SHQ1: variants seen among roughly 807,000 people sequenced by gnomAD.
SHQ1 encodes SHQ1, H/ACA ribonucleoprotein assembly factor, also known as protein SHQ1 homolog.
SHQ1 carries 49 observed loss-of-function variants against 53.8 expected under a neutral mutation model. The ratio of observed to expected loss-of-function variants is 0.91; its 90% CI spans 0.72 to 1.16. SHQ1 has a LOEUF of 1.16. Ranked by LOEUF, SHQ1 falls within the 50% of genes most tolerant of loss-of-function variation. The pLI is 0.00. For missense variants in SHQ1, 738 were observed against 683.1 expected (o/e 1.08, Z -0.90); for synonymous variants, 243 against 251.0 (o/e 0.97, Z 0.30).
At chr3:72,810,691 CAAATGA>C (rs1707089327) in intron 9 of SHQ1, among the ~76,000 whole-genome samples, 1 of 152,162 alleles carries the variant, frequency 6.6e-6, no homozygotes, top group South Asian at 2.1e-4. Flanking sequence ...GGTGTTCAAA[CAAATGA>C]GCCTCTTCAG....
At chr3:72,836,159 G>A (rs1707984489) in intron 4 of SHQ1, among the ~76,000 whole-genome samples, 1 of 152,170 alleles carries the variant, frequency 6.6e-6, no homozygotes, top group Non-Finnish European at 1.5e-5. Flanking sequence ...CACAGACCAG[G>A]TCTCTACTCT....
intron 9 of SHQ1, among the ~76,000 whole-genome samples, chr3:72,807,636 T>C (rs1706991258): frequency 6.6e-6 from 1 of 152,200 alleles, no homozygotes; most frequent in Non-Finnish European, 1.5e-5. Context: ...AATGTAAATA[T>C]TAAAAAGAAA....
chr3:72,841,189 C>T lies in SHQ1; in HGVS notation c.342G>A (p.Glu114=), dbSNP rs143895214. 57 of 1,612,054 alleles carry T rather than the reference C, an allele frequency of 3.5e-5. No individual in the cohort carries two copies. In the African/African-American group the frequency reaches 6.5e-4, roughly 18 times the overall value. ...KPLVEEIGAS[E]IPEEVVDDEE... is the part of the protein sequence containing the mutation. ...CATCGTCAACTACTTCCTCAGGAAT[C>T]TCAGAAGCACCTGAATGTGTTAAAT... is the stretch of plus-strand genomic sequence containing the variant. The change falls in exon 4 of 11, where the codon GAG becomes GAA. Residue 114 remains glutamate, a synonymous_variant. Transcript: ENST00000325599.
chr3:72,844,259 G>T, intron 2 of SHQ1, 100 bp downstream of exon 2: 1 of 943,492 alleles, frequency 1.1e-6, no homozygotes, highest in Non-Finnish European at 1.7e-6. Context: ...GATTGTATTT[G>T]AAAGACATCA....
chr3:72,812,092 G>C (rs1215879337), intron 9 of SHQ1, among the ~76,000 whole-genome samples: 1 of 152,194 alleles, frequency 6.6e-6, no homozygotes, highest in East Asian at 1.9e-4. Flanking sequence ...TAAAGCTAAC[G>C]AGTGTTTGTC....
intron 9 of SHQ1, among the ~76,000 whole-genome samples, chr3:72,802,972 A>C (rs966435139): frequency 1.9e-4 from 29 of 152,296 alleles, no homozygotes; most frequent in African/African-American, 6.0e-4. Flanking sequence ...TGCCTGCCCC[A>C]ATCTTAGAAC....
Position 72,792,930 on chromosome 3 carries a change from C to T in SHQ1, c.1167G>A (p.Trp389Ter). ...TGAAAACTTACTTGACTTTCTGAAT[C>T]CACACACAGTAGTCTGAGATGTAGA... ...NDLYISDYCV[W>*]IQKVKSKKLA... The change falls in exon 10 of 11, where the codon TGG becomes TGA. Residue 389 changes from tryptophan to a stop codon, truncating the protein, a stop_gained. Transcript: ENST00000325599. LOFTEE classifies it low-confidence loss of function (END_TRUNC). The T allele has an allele frequency of 6.2e-7, 1 of 1,606,206 alleles. No homozygotes were observed. The highest frequency in any genetic ancestry group is 1.1e-5 in the South Asian group (1 of 88,698).
intron 2 of SHQ1, among the ~76,000 whole-genome samples, chr3:72,843,307 A>C (rs1158419166): frequency 6.6e-6 from 1 of 152,196 alleles, no homozygotes; most frequent in African/African-American, 2.4e-5. Context: ...AGTTTTAAAA[A>C]TACACAGAAT....
the SHQ1 span, among the ~76,000 whole-genome samples, chr3:72,742,472 A>G: frequency 6.6e-6 from 1 of 152,134 alleles, no homozygotes; most frequent in South Asian, 2.1e-4. Context: ...TAAGAGAAAG[A>G]AGGATATAAA....
At chr3:72,731,862 C>A in the SHQ1 span, among the ~76,000 whole-genome samples, 1 of 151,356 alleles carries the variant, frequency 6.6e-6, no homozygotes, top group African/African-American at 2.4e-5. Context: ...CATCCACTAC[C>A]AATGTGCCAG....
At chr3:72,727,956 G>A in the SHQ1 span, among the ~76,000 whole-genome samples, 3 of 152,194 alleles carry the variant, frequency 2.0e-5, no homozygotes, top group African/African-American at 4.8e-5. Flanking sequence ...CTCAGCCTGC[G>A]TGAAGAGCAA....
At chr3:72,783,256 C>T (rs1706125991) in intron 10 of SHQ1, among the ~76,000 whole-genome samples, 2 of 152,112 alleles carry the variant, frequency 1.3e-5, no homozygotes, top group African/African-American at 4.8e-5. Flanking sequence ...GCTTATTCAC[C>T]TCTGAAAATG....
At chr3:72,746,502 T>A (rs1705261721), downstream of SHQ1, among the ~76,000 whole-genome samples, 1 of 152,156 alleles carries the variant, frequency 6.6e-6, no homozygotes, top group African/African-American at 2.4e-5. Context: ...CAGAGTAACG[T>A]GATATAACAA....
chr3:72,819,252 T>G (rs1390734557), intron 6 of SHQ1, among the ~76,000 whole-genome samples: 1 of 152,208 alleles, frequency 6.6e-6, no homozygotes, highest in Non-Finnish European at 1.5e-5. Context: ...TTTGCACTCT[T>G]ATGAGTGACC....
the SHQ1 span, among the ~76,000 whole-genome samples, chr3:72,728,822 C>G: frequency 1.3e-5 from 2 of 152,204 alleles, no homozygotes; most frequent in African/African-American, 4.8e-5. Context: ...ATTCTTCCCC[C>G]AAATGGCCTG....
intron 10 of SHQ1, 81 bp downstream of exon 10, chr3:72,792,835 T>C (rs1031520724): frequency 8.5e-7 from 1 of 1,172,646 alleles, no homozygotes. Context: ...TCAGGTTATT[T>C]CGTTTTCTTC....
At chr3:72,728,082 G>C in the SHQ1 span, among the ~76,000 whole-genome samples, 1 of 152,132 alleles carries the variant, frequency 6.6e-6, no homozygotes. Flanking sequence ...AGTTGTCCAC[G>C]ATGGCAACAC....
the SHQ1 span, among the ~76,000 whole-genome samples, chr3:72,734,795 C>A: frequency 6.6e-6 from 1 of 151,658 alleles, no homozygotes. Context: ...AGTAGACCAC[C>A]AGGGATCGTC....
chr3:72,822,439 G>A (rs1707505704), intron 6 of SHQ1, among the ~76,000 whole-genome samples: 1 of 152,124 alleles, frequency 6.6e-6, no homozygotes, highest in Non-Finnish European at 1.5e-5. Flanking sequence ...AGAAGACTAA[G>A]AGCATTGCTG....
Sources: allele counts gnomAD v4.1 joint callset (sites outside exome capture counted in the v4.1 genomes callset), GRCh38; gene constraint gnomAD v4.1.1; transcripts MANE v1.5; gene names NCBI Gene and HGNC (gene_info 2026-07-23, HGNC 2026-07-21).